CDH6: variants seen among roughly 807,000 people sequenced by gnomAD.
CDH6 encodes cadherin-6.
In CDH6, 31 loss-of-function variants were observed where a neutral mutation model predicts 78.0. The ratio of observed to expected loss-of-function variants is 0.40; its 90% CI spans 0.30 to 0.54. The LOEUF is 0.54. CDH6 is among the 20% of genes least tolerant of loss of function. The pLI, the probability that CDH6 is intolerant of heterozygous loss-of-function variation, is 0.56. For missense variants in CDH6, 724 were observed against 975.9 expected, an observed-to-expected ratio of 0.74 and a Z score of 3.44; for synonymous variants, 376 against 368.8, an observed-to-expected ratio of 1.02 and a Z score of -0.23.
intron 9 of CDH6, among the ~76,000 whole-genome samples, chr5:31,316,601 T>C (rs927772039): frequency 6.6e-6 from 1 of 152,248 alleles, no homozygotes; most frequent in Non-Finnish European, 1.5e-5. Flanking sequence ...AAAATCTTTA[T>C]TGGTGAACAG....
chr5:31,197,982 G>C (rs4464711), intron 1 of CDH6, among the ~76,000 whole-genome samples: 35,304 of 152,044 alleles, frequency 0.23, 4,974 homozygotes, highest in Middle Eastern at 0.39. Context: ...AACCAAATGT[G>C]TATAGTGTTT....
chr5:31,227,824 C>G (rs1205499423), intron 1 of CDH6, among the ~76,000 whole-genome samples: 1 of 152,228 alleles, frequency 6.6e-6, no homozygotes, highest in Non-Finnish European at 1.5e-5. Context: ...CATCCTACAT[C>G]TAAACAAACG....
chr5:31,251,664 T>C (rs575312676), intron 1 of CDH6: 2 of 152,306 alleles, frequency 1.3e-5, no homozygotes, highest in East Asian at 3.9e-4. Flanking sequence ...CGAGTAGGCT[T>C]CATGACCAGT....
intron 1 of CDH6, among the ~76,000 whole-genome samples, chr5:31,196,451 C>A (rs889474368): frequency 6.6e-6 from 1 of 152,160 alleles, no homozygotes; most frequent in Non-Finnish European, 1.5e-5. Context: ...TGTGGTCCCC[C>A]CTTCTGGCCC....
intron 1 of CDH6, among the ~76,000 whole-genome samples, chr5:31,215,370 T>C (rs1740834960): frequency 6.6e-6 from 1 of 152,152 alleles, no homozygotes; most frequent in African/African-American, 2.4e-5. Flanking sequence ...AATATTTAGG[T>C]AATAAAAAAT....
chr5:31,299,474 G>A lies in CDH6; in HGVS notation c.654G>A (p.Lys218=), dbSNP rs148293847. 6.8e-5 allele frequency: 110 copies of A among 1,612,642 alleles called. 1 individual carries two copies. In the African/African-American group the frequency reaches 1.4e-3, roughly 20 times the overall value. The part of the protein sequence containing the change: ...FSVESETGII[K]TALLNMDREN... ...ATTTCACATCCACAGGTATTATCAAGACAGCTTTGCTCAACATGGATCGAG... is the reference window on the plus strand; with the variant it reads ...ATTTCACATCCACAGGTATTATCAAAACAGCTTTGCTCAACATGGATCGAG... The change falls in exon 5 of 12, where the codon AAG becomes AAA. Residue 218 remains lysine (K), a synonymous_variant. Transcript: ENST00000265071.
At chr5:31,218,502 G>A (rs538493569) in intron 1 of CDH6, among the ~76,000 whole-genome samples, 53 of 152,176 alleles carry the variant, frequency 3.5e-4, no homozygotes, top group Non-Finnish European at 6.6e-4. Flanking sequence ...CGTTTATTTC[G>A]ACAGAAAGTT....
intron 1 of CDH6, among the ~76,000 whole-genome samples, chr5:31,226,160 A>G (rs902129192): frequency 1.3e-5 from 2 of 152,270 alleles, no homozygotes; most frequent in African/African-American, 4.8e-5. Flanking sequence ...TTTGAACAGT[A>G]TACACAGAGT....
intron 2 of CDH6, among the ~76,000 whole-genome samples, chr5:31,277,703 C>A (rs537064771): frequency 1.7e-4 from 26 of 152,266 alleles, no homozygotes; most frequent in Middle Eastern, 3.4e-3. Context: ...GCAAACTCTG[C>A]AAGACCCTAG....
chr5:31,296,644 T>A (rs112346289), intron 3 of CDH6, among the ~76,000 whole-genome samples: 212 of 152,304 alleles, frequency 1.4e-3, no homozygotes, highest in African/African-American at 4.5e-3. Flanking sequence ...TATTGGTAAG[T>A]AACAAGAAAT....
intron 2 of CDH6, among the ~76,000 whole-genome samples, chr5:31,269,444 A>G (rs1460035779): frequency 6.6e-6 from 1 of 152,174 alleles, no homozygotes; most frequent in Non-Finnish European, 1.5e-5. Flanking sequence ...CCAGTTGCCA[A>G]TTATGTGACC....
intron 1 of CDH6, among the ~76,000 whole-genome samples, chr5:31,235,113 G>T (rs542483662): frequency 3.9e-5 from 6 of 151,902 alleles, no homozygotes; most frequent in Non-Finnish European, 8.8e-5. Flanking sequence ...GAAGACCATG[G>T]GGTAGAAGAA....
intron 2 of CDH6, among the ~76,000 whole-genome samples, chr5:31,269,050 G>A (rs1158706221): frequency 6.6e-6 from 1 of 152,178 alleles, no homozygotes; most frequent in Admixed American, 6.5e-5. Flanking sequence ...TTTCCTTTGT[G>A]AAATCTGAAG....
chr5:31,279,197 C>T (rs1435160723), intron 2 of CDH6, among the ~76,000 whole-genome samples: 9 of 152,124 alleles, frequency 5.9e-5, no homozygotes, highest in African/African-American at 1.2e-4. Context: ...ATTGACTGGC[C>T]GCCTTAACAC....
intron 6 of CDH6, among the ~76,000 whole-genome samples, chr5:31,303,224 T>A (rs1206308262): frequency 1.3e-5 from 2 of 152,144 alleles, no homozygotes; most frequent in African/African-American, 4.8e-5. Context: ...ATACAACAGA[T>A]GTTCTCTGCC....
At chr5:31,217,788 C>T (rs1034787180) in intron 1 of CDH6, among the ~76,000 whole-genome samples, 2 of 152,152 alleles carry the variant, frequency 1.3e-5, no homozygotes, top group African/African-American at 4.8e-5. Flanking sequence ...GTCCCAGGCC[C>T]AGCTCTGCCT....
chr5:31,214,541 C>A (rs1393517622), intron 1 of CDH6, among the ~76,000 whole-genome samples: 1 of 152,100 alleles, frequency 6.6e-6, no homozygotes, highest in Non-Finnish European at 1.5e-5. Flanking sequence ...TTAGCATAGG[C>A]CCATATGCTC....
At chr5:31,224,512 T>A (rs1741093764) in intron 1 of CDH6, among the ~76,000 whole-genome samples, 1 of 152,190 alleles carries the variant, frequency 6.6e-6, no homozygotes, top group African/African-American at 2.4e-5. Context: ...ACACAGTTAA[T>A]CTCCAAGTTT....
In CDH6 at chr5:31,297,423, T is replaced by C. The variant is rs772691737; in HGVS notation, c.643+15T>C. The stretch of plus-strand genomic sequence containing the variant: ...ATCAGAAACAGGTTAGACTTTTTGA[T>C]CTTCCTTTTTATAATCTATAATTTT... On this transcript the variant is annotated intron_variant, in intron 4 of 11. Transcript: ENST00000265071. 6.3e-7 allele frequency: 1 copy of C among 1,575,604 alleles called. No individual in the cohort carries two copies. The highest frequency in any genetic ancestry group is 8.6e-7 in the Non-Finnish European group (1 of 1,158,232).
Sources: gnomAD v4.1 joint callset for allele counts (sites outside exome capture counted in the v4.1 genomes callset) on GRCh38, gnomAD v4.1.1 for gene constraint, MANE v1.5 for transcripts, NCBI Gene and HGNC (gene_info 2026-07-23, HGNC 2026-07-21) for gene names.